Variants in ATRN observed in about 807,000 individuals in gnomAD.
ATRN encodes attractin-2.
Under a neutral mutation model 178.7 loss-of-function variants are expected in ATRN, and 54 were observed. That is an observed-to-expected ratio of 0.30 (90% CI 0.24 to 0.38). The LOEUF (loss-of-function observed/expected upper bound fraction) is 0.38, where lower values mean the gene tolerates loss of function less well. Ranked by LOEUF, ATRN falls within the 10% of genes least tolerant of loss-of-function variation. ATRN has a pLI of 1.00. For missense variants in ATRN, 1,443 were observed against 1,815.1 expected, an observed-to-expected ratio of 0.79 and a Z score of 3.73; for synonymous variants, 636 against 663.0, an observed-to-expected ratio of 0.96 and a Z score of 0.63.
At position 3,608,279 on chromosome 20, in the gene ATRN, C is replaced by T. The variant is rs1025394235; in HGVS notation, c.3801+4017C>T. 4.6e-5 allele frequency among the ~76,000 whole-genome samples: 7 copies of T among 152,166 alleles called. No individual in the cohort carries two copies. The South Asian group carries it at 1.2e-3, about 27-fold the overall frequency. On this transcript the variant is annotated intron_variant, in intron 24 of 28. Coordinates refer to ENST00000262919, the MANE Select transcript of ATRN (RefSeq NM_139321.3). Reference sequence around the variant, plus strand: ...CGACATCTTACACAAAACATCTTTGCCCAGACCAATGTCCTGAAGGATTTT... The same window carrying T: ...CGACATCTTACACAAAACATCTTTGTCCAGACCAATGTCCTGAAGGATTTT...
At chr20:3,594,250 G>C (rs2086491853) in intron 19 of ATRN, among the ~76,000 whole-genome samples, 1 of 152,212 alleles carries the variant, frequency 6.6e-6, no homozygotes, top group Admixed American at 6.5e-5. Flanking sequence ...GAAGGCAGTG[G>C]GTACCAGCAT....
chr20:3,486,601 C>T (rs2084697414), intron 1 of ATRN, among the ~76,000 whole-genome samples: 1 of 152,026 alleles, frequency 6.6e-6, no homozygotes, highest in South Asian at 2.1e-4. Context: ...ACTGTTGTCT[C>T]GAATTCCTGG....
At chr20:3,477,038 G>A (rs543975205) in intron 1 of ATRN, among the ~76,000 whole-genome samples, 10 of 142,822 alleles carry the variant, frequency 7.0e-5, no homozygotes, top group South Asian at 2.3e-4. Context: ...GCAGGGGCCT[G>A]GAGCATAGTT....
intron 15 of ATRN, among the ~76,000 whole-genome samples, chr20:3,581,101 T>G (rs547644733): frequency 6.6e-6 from 1 of 152,078 alleles, no homozygotes; most frequent in South Asian, 2.1e-4. Flanking sequence ...TTTAAAGAAT[T>G]AGCCGGGCAT....
At chr20:3,552,784 G>A (rs1167823358) in intron 6 of ATRN, among the ~76,000 whole-genome samples, 3 of 152,158 alleles carry the variant, frequency 2.0e-5, no homozygotes, top group African/African-American at 7.2e-5. Context: ...ACTTGAGGCT[G>A]TCCTTAATTT....
chr20:3,479,912 G>A (rs548035502), intron 1 of ATRN, among the ~76,000 whole-genome samples: 1 of 152,176 alleles, frequency 6.6e-6, no homozygotes, highest in Non-Finnish European at 1.5e-5. Flanking sequence ...GGATGAACGA[G>A]TATGACATCA....
At chr20:3,562,768 T>G (rs2146224688) in intron 9 of ATRN, among the ~76,000 whole-genome samples, 1 of 152,352 alleles carries the variant, frequency 6.6e-6, no homozygotes, top group South Asian at 2.1e-4. Context: ...CTCACATGTT[T>G]GATACCTTGC....
chr20:3,557,824 T>C (rs964370001), intron 6 of ATRN, among the ~76,000 whole-genome samples: 2 of 152,256 alleles, frequency 1.3e-5, no homozygotes, highest in Admixed American at 6.5e-5. Context: ...ATAAATTGCA[T>C]ATAACTTTAA....
At chr20:3,590,350 A>G (rs2146270295) in intron 18 of ATRN, among the ~76,000 whole-genome samples, 1 of 152,342 alleles carries the variant, frequency 6.6e-6, no homozygotes, top group South Asian at 2.1e-4. Context: ...CATCACACTG[A>G]TCAACCAAGG....
intron 24 of ATRN, among the ~76,000 whole-genome samples, chr20:3,609,407 T>C (rs1432815165): frequency 6.6e-6 from 1 of 152,224 alleles, no homozygotes; most frequent in South Asian, 2.1e-4. Context: ...TTACTGAGTT[T>C]GTCAGTTCTT....
In ATRN at chr20:3,558,017, C is replaced by T. The variant is rs190462651; in HGVS notation, c.1113-1376C>T. ...TAGAGAAAATTAACACCAATGGATTCACCACCGGCTTAGAAATTAAAACAC... is the reference window on the plus strand; with the variant it reads ...TAGAGAAAATTAACACCAATGGATTTACCACCGGCTTAGAAATTAAAACAC... On this transcript the variant is annotated intron_variant, in intron 6 of 28. Transcript: ENST00000262919. Among the ~76,000 whole-genome samples the T allele has an allele frequency of 6.4e-3, 970 of 152,252 alleles. 2 individuals carry two copies. The highest frequency in any genetic ancestry group is 0.01 in the Admixed American group (159 of 15,276).
chr20:3,483,354 T>TC (rs1354864821), intron 1 of ATRN, among the ~76,000 whole-genome samples: 1 of 152,176 alleles, frequency 6.6e-6, no homozygotes, highest in Admixed American at 6.6e-5. Flanking sequence ...ACAATTACAT[T>TC]CTTTTTTTTT....
At chr20:3,497,071 G>A (rs1230166726) in intron 1 of ATRN, among the ~76,000 whole-genome samples, 3 of 150,886 alleles carry the variant, frequency 2.0e-5, no homozygotes, top group Middle Eastern at 3.5e-3. Flanking sequence ...ACGTGAGATG[G>A]GTTTCCTGAA....
intron 18 of ATRN, among the ~76,000 whole-genome samples, chr20:3,589,427 G>T (rs1464166565): frequency 1.3e-5 from 2 of 150,702 alleles, no homozygotes; most frequent in Non-Finnish European, 3.0e-5. Context: ...TCTAAATATT[G>T]TGAGGGTTTT....
rs771706436 is a variant in ATRN at position 3,471,503 on chromosome 20, C to T, written c.396C>T (p.Cys132=). Residue 132 remains cysteine (C), a synonymous_variant, in exon 1 of 29, where the codon TGC becomes TGT. Coordinates refer to ENST00000262919, the MANE Select transcript of ATRN (RefSeq NM_139321.3). Reference sequence around the variant, plus strand: ...GGGTGGGCGAGCAATGCCAGCACTGCGGGGGCCGCTTCAGGTGAGTGGCGG... The same window carrying T: ...GGGTGGGCGAGCAATGCCAGCACTGTGGGGGCCGCTTCAGGTGAGTGGCGG... The part of the protein sequence containing the change: ...AGWVGEQCQH[C]GGRFRLTGSS... 8.2e-5 allele frequency: 115 copies of T among 1,402,790 alleles called. No homozygotes were observed. The highest frequency in any genetic ancestry group is 1.0e-4 in the Non-Finnish European group (112 of 1,086,918). 86.9% of individuals were successfully genotyped at this position (1,402,790 alleles called of 1,614,324 possible).
At chr20:3,513,745 T>G (rs2085168590) in intron 1 of ATRN, among the ~76,000 whole-genome samples, 1 of 152,248 alleles carries the variant, frequency 6.6e-6, no homozygotes, top group South Asian at 2.1e-4. Context: ...TTCTTCCATT[T>G]GTTTGTGCCC....
At chr20:3,608,764 C>T (rs557236814) in intron 24 of ATRN, among the ~76,000 whole-genome samples, 22 of 152,056 alleles carry the variant, frequency 1.4e-4, no homozygotes, top group Non-Finnish European at 2.8e-4. Context: ...GTCAGGAGTT[C>T]GAGACCAGCC....
intron 1 of ATRN, among the ~76,000 whole-genome samples, chr20:3,495,076 A>G (rs945773008): frequency 1.3e-5 from 2 of 152,184 alleles, no homozygotes; most frequent in African/African-American, 4.8e-5. Context: ...ATTATTTTTA[A>G]TAATTAGGAC....
In ATRN at chr20:3,649,915, C is replaced by A. The variant is rs2087134244; in HGVS notation, c.*3068C>A. The A allele has an allele frequency of 6.6e-6, 1 of 152,122 alleles. No homozygotes were observed. The highest frequency in any genetic ancestry group is 2.1e-4 in the South Asian group (1 of 4,828). The allele number at this position is 152,122 out of a possible 1,614,324, so 9.4% of individuals were successfully genotyped here. A position where few individuals can be genotyped will look rare whatever the true frequency, so the allele number is the denominator to read the frequency against. On this transcript the variant is annotated 3_prime_UTR_variant, in exon 29 of 29. Transcript: ENST00000262919. Reference sequence around the variant, plus strand: ...TGTTGATAAATAGTTCCCATTTCCCCATGGAGAATTTGACATACCCTGGAC... The same window carrying A: ...TGTTGATAAATAGTTCCCATTTCCCAATGGAGAATTTGACATACCCTGGAC...
Sources: gnomAD v4.1 joint callset for allele counts (sites outside exome capture counted in the v4.1 genomes callset) on GRCh38, gnomAD v4.1.1 for gene constraint, MANE v1.5 for transcripts, NCBI Gene and HGNC (gene_info 2026-07-23, HGNC 2026-07-21) for gene names.